Variants in ARPC1B observed in about 807,000 individuals in gnomAD.
ARPC1B encodes actin-related protein 2/3 complex subunit 1B.
A neutral mutation model predicts 46.0 loss-of-function variants in ARPC1B; 29 were observed. The ratio of observed to expected loss-of-function variants is 0.63; its 90% CI spans 0.47 to 0.86. ARPC1B has a LOEUF of 0.86. ARPC1B is among the 40% of genes least tolerant of loss of function. ARPC1B has a pLI of 0.00. For missense variants in ARPC1B, 469 were observed against 529.4 expected, an observed-to-expected ratio of 0.89 and a Z score of 1.12; for synonymous variants, 201 against 213.9, an observed-to-expected ratio of 0.94 and a Z score of 0.53.
intron 5 of ARPC1B, among the ~76,000 whole-genome samples, chr7:99,390,600 G>A (rs899997318): frequency 6.6e-6 from 1 of 151,828 alleles, no homozygotes; most frequent in African/African-American, 2.4e-5. Flanking sequence ...GACTGGTCTC[G>A]AACCCCTGAC....
intron 3 of ARPC1B, among the ~76,000 whole-genome samples, chr7:99,387,395 C>T (rs759210356): frequency 1.3e-5 from 2 of 152,082 alleles, no homozygotes; most frequent in Non-Finnish European, 2.9e-5. Context: ...GATTGCACCA[C>T]TGCACTCCAG....
chr7:99,392,908 G>A (rs1211200320), intron 8 of ARPC1B, 32 bp downstream of exon 8: 4 of 1,514,866 alleles, frequency 2.6e-6, no homozygotes, highest in Non-Finnish European at 3.6e-6. Flanking sequence ...GCGGGTGGGC[G>A]GGGCCTCGGC....
chr7:99,383,870 T>C (rs1455323139), intron 1 of ARPC1B, among the ~76,000 whole-genome samples: 2 of 152,188 alleles, frequency 1.3e-5, no homozygotes, highest in Admixed American at 1.3e-4. Flanking sequence ...CGCCTCGTGG[T>C]TCCTCCTCAT....
chr7:99,378,273 T>C (rs1259753724), intron 1 of ARPC1B, among the ~76,000 whole-genome samples: 3 of 151,542 alleles, frequency 2.0e-5, no homozygotes, highest in Non-Finnish European at 4.4e-5. Context: ...GGTTTTGCCA[T>C]GTTGCCCAGG....
intron 1 of ARPC1B, among the ~76,000 whole-genome samples, chr7:99,380,342 C>T (rs570214215): frequency 3.3e-5 from 5 of 151,034 alleles, no homozygotes; most frequent in East Asian, 3.9e-4. Context: ...ATCGCAGAGG[C>T]GCTTTGGGTT....
At chr7:99,375,079 CTG>C (rs899382650) in intron 1 of ARPC1B, among the ~76,000 whole-genome samples, 5 of 143,876 alleles carry the variant, frequency 3.5e-5, no homozygotes, top group South Asian at 2.1e-4. Flanking sequence ...CAGGGCCAGA[CTG>C]TGGAAACGCG....
upstream of ARPC1B, chr7:99,374,643 T>C (rs1793978477): frequency 6.6e-6 from 1 of 151,626 alleles, no homozygotes; most frequent in Non-Finnish European, 1.5e-5. The surrounding 1 kb of genome is among the most constrained non-coding windows in gnomAD (Gnocchi z 5.0). Context: ...CTGCCCCAGG[T>C]CCCCGCCCCC....
chr7:99,393,678 C>G (rs933734120), intron 8 of ARPC1B, among the ~76,000 whole-genome samples: 3 of 152,188 alleles, frequency 2.0e-5, no homozygotes, highest in African/African-American at 7.2e-5. Context: ...TCCGCCAGAT[C>G]CGATGGCTTC....
chr7:99,382,294 C>T (rs926027935), intron 1 of ARPC1B, among the ~76,000 whole-genome samples: 4 of 150,832 alleles, frequency 2.7e-5, no homozygotes, highest in Admixed American at 6.7e-5. Context: ...AAAAATTAGG[C>T]ATGGTGGTGC....
intron 1 of ARPC1B, among the ~76,000 whole-genome samples, chr7:99,380,894 A>C (rs1171631529): frequency 2.6e-5 from 4 of 152,102 alleles, no homozygotes; most frequent in Non-Finnish European, 5.9e-5. Context: ...GGCCAACCAG[A>C]GCCTGGGTGG....
chr7:99,379,203 C>T (rs1794131606), intron 1 of ARPC1B, among the ~76,000 whole-genome samples: 1 of 152,232 alleles, frequency 6.6e-6, no homozygotes, highest in Non-Finnish European at 1.5e-5. Context: ...AATTTCTCCA[C>T]AGCTCTGCTA....
chr7:99,391,430 C>G (rs1396689759), intron 7 of ARPC1B, among the ~76,000 whole-genome samples, 177 bp downstream of exon 7: 2 of 152,110 alleles, frequency 1.3e-5, no homozygotes, highest in Non-Finnish European at 2.9e-5. Context: ...ACCAAAAGTC[C>G]CTGGCTGCAG....
intron 8 of ARPC1B, among the ~76,000 whole-genome samples, chr7:99,393,778 T>C (rs1009899772): frequency 6.6e-6 from 1 of 152,180 alleles, no homozygotes; most frequent in Non-Finnish European, 1.5e-5. Flanking sequence ...GCTGCACTGC[T>C]GGCACTGTGT....
At chr7:99,381,779 G>A (rs1794232608) in intron 1 of ARPC1B, among the ~76,000 whole-genome samples, 1 of 152,218 alleles carries the variant, frequency 6.6e-6, no homozygotes, top group South Asian at 2.1e-4. Flanking sequence ...AGCCCTGTGG[G>A]GCCAAACTGC....
rs565872266 is a variant in ARPC1B at position 99,393,286 on chromosome 7, A to G, written c.989+410A>G. On this transcript the variant is annotated intron_variant, in intron 8 of 9. Coordinates refer to ENST00000646101, the MANE Select transcript of ARPC1B (RefSeq NM_005720.4). ...CTGGGAGGGACACGGTGCGACCGACATAAGACGGGGTCGACCTCTTTAGGT... is the reference window on the plus strand; with the variant it reads ...CTGGGAGGGACACGGTGCGACCGACGTAAGACGGGGTCGACCTCTTTAGGT... Among the ~76,000 whole-genome samples, 5 of 152,326 alleles carry G rather than the reference A, an allele frequency of 3.3e-5. No individual in the cohort carries two copies. The South Asian group carries it at 8.3e-4, about 25-fold the overall frequency.
At position 99,388,068 on chromosome 7, in the gene ARPC1B, A is replaced by G. The variant is rs1187965706; in HGVS notation, c.199A>G (p.Ile67Val). The G allele has an allele frequency of 3.7e-6, 6 of 1,611,668 alleles. No individual in the cohort carries two copies. The African/African-American group carries it at 4.0e-5, about 11-fold the overall frequency. The change falls in exon 4 of 10, where the codon ATT becomes GTT. Residue 67 changes from isoleucine (I) to valine (V), a missense_variant. By Grantham distance (29) the Ile-to-Val change is conservative. Transcript: ENST00000646101. ...GIDWAPESNR[I>V]VTCGTDRNAY... ...CGACTGGGCCCCCGAGAGTAACCGT[A>G]TTGTGACCTGCGGCACAGACCGCAA...
rs947242043 is a variant in ARPC1B, at chr7:99,374,886, G to A, written c.-14+105G>A. On this transcript the variant is annotated intron_variant, in intron 1 of 9. Transcript: ENST00000646101. This position sits in a 1 kb window ranked among gnomAD's most constrained non-coding sequence, Gnocchi z 5.0. ...GCCTGGGAGTGAGCGGGACTGGAGG[G>A]ATGAGAGGGGGTGCAAGGAGGGGAC... The A allele has an allele frequency of 1.3e-5, 2 of 152,260 alleles. No individual in the cohort carries two copies. The highest frequency in any genetic ancestry group is 1.9e-4 in the East Asian group (1 of 5,172). The allele number at this position is 152,260 out of a possible 1,614,324, so 9.4% of individuals were successfully genotyped here. A position where few individuals can be genotyped will look rare whatever the true frequency, so the allele number is the denominator to read the frequency against.
chr7:99,390,769 C>A (rs1584410148), intron 5 of ARPC1B, 124 bp from the exon 6 acceptor site: 1 of 748,704 alleles, frequency 1.3e-6, no homozygotes, highest in Admixed American at 2.7e-5. Flanking sequence ...GCAATCACAG[C>A]TCACTGCAGC....
chr7:99,389,704 T>G, intron 4 of ARPC1B: 1 of 577,614 alleles, frequency 1.7e-6, no homozygotes, highest in Admixed American at 3.0e-5. Context: ...GGGCACAGAG[T>G]TCCCACTCCA....
Sources: allele counts gnomAD v4.1 joint callset (sites outside exome capture counted in the v4.1 genomes callset), GRCh38; gene constraint gnomAD v4.1.1; non-coding constraint Gnocchi (gnomAD v3.1); transcripts MANE v1.5; gene names NCBI Gene and HGNC (gene_info 2026-07-23, HGNC 2026-07-21).